Variants in PCDHGA10 observed in about 807,000 individuals in gnomAD.
PCDHGA10 encodes the protein protocadherin gamma-A10.
PCDHGA10 carries 42 observed loss-of-function variants against 59.5 expected under a neutral mutation model. The observed-to-expected ratio is 0.71, with a 90% CI of 0.55 to 0.91. The LOEUF (loss-of-function observed/expected upper bound fraction) is 0.91, where lower values mean the gene tolerates loss of function less well. Ranked by LOEUF, PCDHGA10 falls within the 40% of genes least tolerant of loss-of-function variation. PCDHGA10 has a pLI of 0.00. For missense variants in PCDHGA10, 1,111 were observed against 1,198.2 expected (o/e 0.93, Z 1.07); for synonymous variants, 511 against 517.2 (o/e 0.99, Z 0.16).
chr5:141,415,853 G>GTAGTT, intron 1 of PCDHGA10: 1 of 1,186,350 alleles, frequency 8.4e-7, no homozygotes, highest in Non-Finnish European at 1.1e-6. Context: ...GCAGAACCTT[G>GTAGTT]TAGTTTATAG....
rs765249445 is a variant in PCDHGA10, at chr5:141,489,754, C to T, written c.2437-5053C>T. ...CACCAATACTGTGAGCTTTTACACT[C>T]TAAGCCCCAACAGCCACTTCTCTCT... is the stretch of plus-strand genomic sequence containing the variant. On this transcript the variant is annotated intron_variant, in intron 1 of 3. Coordinates refer to ENST00000398610, the MANE Select transcript of PCDHGA10 (RefSeq NM_018913.3). The surrounding 1 kb of genome is among the most constrained non-coding windows in gnomAD (Gnocchi z 4.5). The T allele has an allele frequency of 4.0e-5, 64 of 1,613,992 alleles. No individual in the cohort carries two copies. The South Asian group carries it at 6.8e-4, about 17-fold the overall frequency.
chr5:141,497,148 A>G (rs1436451953), intron 2 of PCDHGA10, among the ~76,000 whole-genome samples: 1 of 152,122 alleles, frequency 6.6e-6, no homozygotes, highest in Non-Finnish European at 1.5e-5. Context: ...ATCACGAAAA[A>G]AAAATAATCT....
intron 1 of PCDHGA10, among the ~76,000 whole-genome samples, chr5:141,433,752 G>A (rs975941520): frequency 6.6e-6 from 1 of 151,206 alleles, no homozygotes; most frequent in Non-Finnish European, 1.5e-5. Context: ...CAGGAGAATT[G>A]CTTTAACCTG....
chr5:141,460,505 A>T (rs1430823912), intron 1 of PCDHGA10, among the ~76,000 whole-genome samples: 1 of 152,150 alleles, frequency 6.6e-6, no homozygotes, highest in Non-Finnish European at 1.5e-5. Context: ...ATATGCTGAG[A>T]AGGCTATCTT....
intron 1 of PCDHGA10, chr5:141,424,098 C>T: frequency 8.3e-6 from 7 of 846,340 alleles, no homozygotes; most frequent in Non-Finnish European, 1.0e-5. Flanking sequence ...TTTGCTATTA[C>T]TGCTAATGTT....
At chr5:141,450,754 C>G (rs192088793) in intron 1 of PCDHGA10, among the ~76,000 whole-genome samples, 1 of 150,996 alleles carries the variant, frequency 6.6e-6, no homozygotes, top group Non-Finnish European at 1.5e-5. Context: ...CCCAAAGTGC[C>G]GGGATTACAG....
intron 1 of PCDHGA10, among the ~76,000 whole-genome samples, chr5:141,443,297 A>G (rs1208893030): frequency 6.7e-6 from 1 of 148,196 alleles, no homozygotes; most frequent in East Asian, 2.0e-4. Context: ...CCTGGACAGC[A>G]TGGCAAAAAC....
chr5:141,430,315 T>C (rs185896854), intron 1 of PCDHGA10, among the ~76,000 whole-genome samples: 58 of 151,980 alleles, frequency 3.8e-4, no homozygotes, highest in African/African-American at 1.3e-3. Context: ...CATTATAAGA[T>C]TAAAATCATT....
Position 141,419,336 on chromosome 5 carries a change from G to A in PCDHGA10, c.2436+3725G>A, listed in dbSNP as rs762064534. 6.8e-6 allele frequency: 11 copies of A among 1,613,772 alleles called. No individual in the cohort carries two copies. In the African/African-American group the frequency reaches 1.3e-4, roughly 20 times the overall value. ...CGGCCGTGTCTCCTACTCTCTCATT[G>A]CCAGCGACCTGGAGTCACGAACGCT... On this transcript the variant is annotated intron_variant, in intron 1 of 3. Coordinates refer to ENST00000398610, the MANE Select transcript of PCDHGA10 (RefSeq NM_018913.3).
chr5:141,487,135 A>G lies in PCDHGA10; in HGVS notation c.2437-7672A>G. 6.2e-7 allele frequency: 1 copy of G among 1,613,544 alleles called. No individual in the cohort carries two copies. The highest frequency in any genetic ancestry group is 8.5e-7 in the Non-Finnish European group (1 of 1,179,856). ...TGGTAAAGGATAGTGGTAGTCCACC[A>G]CTCTCTACCTCTGTTACTCTCTTAG... On this transcript the variant is annotated intron_variant, in intron 1 of 3. Transcript: ENST00000398610. The surrounding 1 kb of genome is among the most constrained non-coding windows in gnomAD (Gnocchi z 5.0).
At chr5:141,475,103 G>A (rs771784343) in intron 1 of PCDHGA10, among the ~76,000 whole-genome samples, 1 of 152,176 alleles carries the variant, frequency 6.6e-6, no homozygotes, top group Non-Finnish European at 1.5e-5. Flanking sequence ...AAGATCCTAG[G>A]TGGTAAATAG....
In PCDHGA10 at chr5:141,487,883, G is replaced by A; in HGVS notation, c.2437-6924G>A. ...GGTGATCAAGAGCCAGGCTGTTGTG[G>A]AAGCATGATGATGGAATGTGGGAGC... is the stretch of plus-strand genomic sequence containing the variant. On this transcript the variant is annotated intron_variant, in intron 1 of 3. Transcript: ENST00000398610. This position sits in a 1 kb window ranked among gnomAD's most constrained non-coding sequence, Gnocchi z 5.0. The A allele has an allele frequency of 1.3e-6, 1 of 766,586 alleles. No homozygotes were observed. The highest frequency in any genetic ancestry group is 1.8e-5 in the South Asian group (1 of 55,094). 47.5% of individuals were successfully genotyped at this position (766,586 alleles called of 1,614,324 possible).
At chr5:141,445,855 T>C (rs1432695384) in intron 1 of PCDHGA10, among the ~76,000 whole-genome samples, 1 of 152,222 alleles carries the variant, frequency 6.6e-6, no homozygotes, top group Non-Finnish European at 1.5e-5. Flanking sequence ...CTTAAAATTC[T>C]GGATTTTGTT....
Position 141,490,972 on chromosome 5 carries a change from C to G in PCDHGA10, c.2437-3835C>G. 6.2e-7 allele frequency: 1 copy of G among 1,613,912 alleles called. No homozygotes were observed. Among genetic ancestry groups the G allele is most frequent in the Non-Finnish European group, 8.5e-7 (1 of 1,179,922 alleles). Reference sequence around the variant, plus strand: ...AGACTGGGAACACTCAGCCCCCCAGCGTCTCCCTCGCTCTGCTCCTCCTGG... The same window carrying G: ...AGACTGGGAACACTCAGCCCCCCAGGGTCTCCCTCGCTCTGCTCCTCCTGG... On this transcript the variant is annotated intron_variant, in intron 1 of 3. Coordinates refer to ENST00000398610, the MANE Select transcript of PCDHGA10 (RefSeq NM_018913.3). The surrounding 1 kb of genome is among the most constrained non-coding windows in gnomAD (Gnocchi z 5.4).
At chr5:141,437,345 A>T (rs1018513998) in intron 1 of PCDHGA10, among the ~76,000 whole-genome samples, 2 of 152,252 alleles carry the variant, frequency 1.3e-5, no homozygotes, top group Non-Finnish European at 2.9e-5. Context: ...TCACTGTTTT[A>T]TAGTACCTAA....
In PCDHGA10 at chr5:141,427,784, G is replaced by A. The variant is rs750188824; in HGVS notation, c.2436+12173G>A. 6.8e-6 allele frequency: 10 copies of A among 1,470,180 alleles called. No homozygotes were observed. The Admixed American group carries it at 1.3e-4, about 20-fold the overall frequency. 91.1% of individuals were successfully genotyped at this position (1,470,180 alleles called of 1,614,324 possible). Reference sequence around the variant, plus strand: ...CTGACTTGGAGCTGCGGGCACTGTCGTCCTACGTGTCCGTGAGCGCACAGA... The same window carrying A: ...CTGACTTGGAGCTGCGGGCACTGTCATCCTACGTGTCCGTGAGCGCACAGA... On this transcript the variant is annotated intron_variant, in intron 1 of 3. Coordinates refer to ENST00000398610, the MANE Select transcript of PCDHGA10 (RefSeq NM_018913.3).
At chr5:141,495,279 G>T (rs72790069) in intron 2 of PCDHGA10, among the ~76,000 whole-genome samples, 4 of 152,146 alleles carry the variant, frequency 2.6e-5, no homozygotes, top group Non-Finnish European at 5.9e-5. Context: ...CGGAGGAGGC[G>T]GTCCGCACTC....
At chr5:141,500,192 A>T (rs865941565) in intron 2 of PCDHGA10, among the ~76,000 whole-genome samples, 1 of 110,142 alleles carries the variant, frequency 9.1e-6, no homozygotes, top group Non-Finnish European at 2.0e-5. Context: ...ATTTTTATTT[A>T]TTTATTTATT....
intron 1 of PCDHGA10, among the ~76,000 whole-genome samples, chr5:141,482,104 AAT>A (rs1452930297): frequency 2.7e-5 from 4 of 150,286 alleles, no homozygotes; most frequent in Non-Finnish European, 5.9e-5. Context: ...AAAAAAAAAA[AAT>A]ATCTAGAGAT....
Sources: gnomAD v4.1 joint callset for allele counts (sites outside exome capture counted in the v4.1 genomes callset) on GRCh38, gnomAD v4.1.1 for gene constraint, Gnocchi (gnomAD v3.1) non-coding constraint, MANE v1.5 for transcripts, NCBI Gene and HGNC (gene_info 2026-07-23, HGNC 2026-07-21) for gene names.